IFTAP: variants seen among roughly 807,000 people sequenced by gnomAD.
IFTAP encodes the protein intraflagellar transport associated protein.
In IFTAP, 19 loss-of-function variants were observed where a neutral mutation model predicts 19.4. The observed-to-expected ratio is 0.98, with a 90% CI of 0.68 to 1.44. IFTAP has a LOEUF of 1.44. IFTAP is among the 40% of genes most tolerant of loss of function. The probability of loss-of-function intolerance (pLI) is 0.00; values close to 1 mark genes in which losing one functional copy is unlikely to be tolerated. For missense variants in IFTAP, 240 were observed against 253.6 expected (o/e 0.95, Z 0.36); for synonymous variants, 85 against 83.5 (o/e 1.02, Z -0.10).
Position 36,628,054 on chromosome 11 carries a change from T to C in IFTAP, c.137-5230T>C, listed in dbSNP as rs147467468. Among the ~76,000 whole-genome samples, 967 of 150,268 alleles carry C rather than the reference T, an allele frequency of 6.4e-3. 60 individuals are homozygous for C. Among genetic ancestry groups the C allele is most frequent in the African/African-American group, 0.024 (938 of 39,872 alleles). On this transcript the variant is annotated intron_variant, in intron 2 of 5. Coordinates refer to ENST00000334307, the MANE Select transcript of IFTAP (RefSeq NM_138787.4). ...TTCTTCAGGCCACCATAGCTGAAGC[T>C]CCCTTTACTTCTCACCTGGGTTACT...
At chr11:36,633,965 T>G (rs909069550) in intron 3 of IFTAP, among the ~76,000 whole-genome samples, 3 of 152,154 alleles carry the variant, frequency 2.0e-5, no homozygotes, top group Non-Finnish European at 4.4e-5. Flanking sequence ...CTGTTCTGCT[T>G]TTTAAGCCAT....
intron 4 of IFTAP, among the ~76,000 whole-genome samples, chr11:36,646,689 G>C (rs1853499181): frequency 6.6e-6 from 1 of 152,164 alleles, no homozygotes; most frequent in Non-Finnish European, 1.5e-5. Flanking sequence ...TATGTAGATA[G>C]ACTGTCCAGC....
intron 5 of IFTAP, among the ~76,000 whole-genome samples, chr11:36,649,377 C>T (rs138909176): frequency 3.9e-5 from 6 of 152,158 alleles, no homozygotes; most frequent in African/African-American, 1.4e-4. Flanking sequence ...TTATAGATTG[C>T]TTTCTCTGAG....
intron 2 of IFTAP, among the ~76,000 whole-genome samples, chr11:36,626,196 A>G (rs1025073864): frequency 6.6e-6 from 1 of 151,296 alleles, no homozygotes; most frequent in African/African-American, 2.5e-5. Flanking sequence ...GCAAAAATAT[A>G]TGTCCTCGAT....
Position 36,636,040 on chromosome 11 carries a change from C to A in IFTAP, c.292-11C>A, listed in dbSNP as rs1852935499. On this transcript the variant is annotated splice_polypyrimidine_tract_variant and intron_variant, in intron 3 of 5. Coordinates refer to ENST00000334307, the MANE Select transcript of IFTAP (RefSeq NM_138787.4). ...ATTCTGCTTAAAAATTATGTTAATT[C>A]TTTTTTCTAGGTAGATAATTTCCTA... 1 of 1,576,346 alleles carries A rather than the reference C, an allele frequency of 6.3e-7. No homozygotes were observed. Among genetic ancestry groups the A allele is most frequent in the African/African-American group, 1.3e-5 (1 of 74,150 alleles).
At chr11:36,599,529 T>C (rs572251692) in intron 1 of IFTAP, among the ~76,000 whole-genome samples, 42 of 152,334 alleles carry the variant, frequency 2.8e-4, no homozygotes, top group Non-Finnish European at 4.7e-4. Flanking sequence ...AAAATGTCTA[T>C]AGAATGTACA....
At chr11:36,627,508 T>C (rs970853331) in intron 2 of IFTAP, among the ~76,000 whole-genome samples, 3 of 151,160 alleles carry the variant, frequency 2.0e-5, no homozygotes, top group African/African-American at 7.4e-5. Flanking sequence ...ATTAAGAAAA[T>C]AAATCAGTTG....
rs992198756 is a variant in IFTAP, at chr11:36,600,206, A to G, written c.-24+5614A>G. Among the ~76,000 whole-genome samples the G allele has an allele frequency of 5.2e-4, 79 of 152,368 alleles. 1 individual carries two copies. Among genetic ancestry groups the G allele is most frequent in the African/African-American group, 1.9e-3 (77 of 41,590 alleles). ...ATAAAATAGTAAACTATATTTATTG[A>G]GCATCTACTATGTACAAAGCCATGT... On this transcript the variant is annotated intron_variant, in intron 1 of 5. Coordinates refer to ENST00000334307, the MANE Select transcript of IFTAP (RefSeq NM_138787.4).
intron 4 of IFTAP, among the ~76,000 whole-genome samples, chr11:36,646,828 G>A (rs1308381075): frequency 2.0e-5 from 3 of 152,068 alleles, no homozygotes; most frequent in Non-Finnish European, 4.4e-5. Context: ...GAGTATGTAA[G>A]TGTTGGCTAT....
intron 1 of IFTAP, among the ~76,000 whole-genome samples, chr11:36,607,637 A>G (rs1012721733): frequency 6.6e-6 from 1 of 151,778 alleles, no homozygotes; most frequent in African/African-American, 2.4e-5. Flanking sequence ...AATTGAGGTT[A>G]AGGAAATACA....
At chr11:36,623,356 T>TC (rs35845972) in intron 2 of IFTAP, among the ~76,000 whole-genome samples, 21,642 of 148,546 alleles carry the variant, frequency 0.15, 2,279 homozygotes, top group East Asian at 0.58. Flanking sequence ...ATTGTGATAC[T>TC]CCCCCCCCCA....
chr11:36,631,020 G>C (rs560167908), intron 2 of IFTAP, among the ~76,000 whole-genome samples: 5 of 151,354 alleles, frequency 3.3e-5, no homozygotes, highest in Admixed American at 2.0e-4. Flanking sequence ...CTCTGTGGCC[G>C]TAAAAGTGGA....
At chr11:36,637,417 C>A (rs1396655241) in intron 4 of IFTAP, among the ~76,000 whole-genome samples, 12 of 152,118 alleles carry the variant, frequency 7.9e-5, no homozygotes. Flanking sequence ...AACTTTAATA[C>A]CCTGAGTGGC....
At chr11:36,639,203 G>T (rs1023971764) in intron 4 of IFTAP, among the ~76,000 whole-genome samples, 1 of 151,294 alleles carries the variant, frequency 6.6e-6, no homozygotes, top group African/African-American at 2.4e-5. Flanking sequence ...TGCTTCCTCG[G>T]TGGGCCCAGC....
intron 4 of IFTAP, among the ~76,000 whole-genome samples, chr11:36,641,307 A>G (rs1016470854): frequency 1.3e-5 from 2 of 152,190 alleles, no homozygotes; most frequent in Non-Finnish European, 2.9e-5. Context: ...ATTATTAGTA[A>G]TGATTCCAAT....
chr11:36,648,424 A>G (rs1853579305), intron 5 of IFTAP: 1 of 290,046 alleles, frequency 3.4e-6, no homozygotes. Flanking sequence ...ACTACACAAT[A>G]GAAAGGACGG....
At chr11:36,611,123 A>C (rs1851861918) in intron 2 of IFTAP, among the ~76,000 whole-genome samples, 1 of 152,112 alleles carries the variant, frequency 6.6e-6, no homozygotes, top group African/African-American at 2.4e-5. Flanking sequence ...TGGCACTCAC[A>C]CAGTCTAAAA....
chr11:36,644,119 C>T (rs1193506560), intron 4 of IFTAP, among the ~76,000 whole-genome samples: 1 of 152,068 alleles, frequency 6.6e-6, no homozygotes, highest in Admixed American at 6.5e-5. Context: ...GGCTAATATC[C>T]AGAATCTATA....
chr11:36,598,603 T>C (rs1481649290), intron 1 of IFTAP, among the ~76,000 whole-genome samples: 1 of 152,230 alleles, frequency 6.6e-6, no homozygotes, highest in Non-Finnish European at 1.5e-5. Flanking sequence ...TTTTGTGGTC[T>C]CATTTTCTTT....
Sources: allele counts gnomAD v4.1 joint callset (sites outside exome capture counted in the v4.1 genomes callset), GRCh38; gene constraint gnomAD v4.1.1; transcripts MANE v1.5; gene names NCBI Gene and HGNC (gene_info 2026-07-23, HGNC 2026-07-21).